USH2A: variants seen among roughly 807,000 people sequenced by gnomAD.
USH2A encodes the protein usherin.
In USH2A, 443 loss-of-function variants were observed where a neutral mutation model predicts 538.9. The ratio of observed to expected loss-of-function variants is 0.82; its 90% CI spans 0.76 to 0.89. USH2A has a LOEUF of 0.89. Among genes scored for constraint, USH2A ranks in the 40% least tolerant of loss-of-function variants. The probability of loss-of-function intolerance (pLI) is 0.00; values close to 1 mark genes in which losing one functional copy is unlikely to be tolerated. For synonymous variants in USH2A, 2,413 were observed against 2,273.5 expected (o/e 1.06, Z -1.75); for missense variants, 6,633 against 6,324.8 (o/e 1.05, Z -1.65).
At chr1:215,988,822 G>T (rs1217668327) in intron 35 of USH2A, among the ~76,000 whole-genome samples, 1 of 152,156 alleles carries the variant, frequency 6.6e-6, no homozygotes, top group Non-Finnish European at 1.5e-5. Flanking sequence ...AGTATGTACT[G>T]AACCAACTAG....
chr1:216,023,577 T>C (rs1306021495), intron 32 of USH2A, among the ~76,000 whole-genome samples: 1 of 149,908 alleles, frequency 6.7e-6, no homozygotes, highest in African/African-American at 2.4e-5. Flanking sequence ...ACAGTATACA[T>C]ACACACAAAC....
At chr1:216,329,571 A>C (rs771813057) in intron 4 of USH2A, among the ~76,000 whole-genome samples, 1 of 152,060 alleles carries the variant, frequency 6.6e-6, no homozygotes, top group Non-Finnish European at 1.5e-5. Flanking sequence ...AACTATCCCT[A>C]ACCATGCTCA....
At chr1:215,872,897 C>T (rs1482970046) in intron 43 of USH2A, among the ~76,000 whole-genome samples, 4 of 151,942 alleles carry the variant, frequency 2.6e-5, no homozygotes, top group African/African-American at 9.7e-5. Context: ...ATACCTGCTC[C>T]CTTTTCACCT....
chr1:216,341,719 A>T (rs1199036746), intron 4 of USH2A, among the ~76,000 whole-genome samples: 1 of 152,180 alleles, frequency 6.6e-6, no homozygotes, highest in Non-Finnish European at 1.5e-5. Context: ...GATCTTTGAC[A>T]AGCTGTACAA....
rs746265112 is a variant in USH2A at position 216,050,604 on chromosome 1, C to CT, written c.6050-1958dup. On this transcript the variant is annotated intron_variant, in intron 30 of 71. Coordinates refer to ENST00000307340, the MANE Select transcript of USH2A (RefSeq NM_206933.4). ...TCTTTCTTTCTTTCTTTCTTTCTTT[C>CT]TTTTTTTTTTTTTTTTTTGAGACAG... is the stretch of plus-strand genomic sequence containing the variant. Among the ~76,000 whole-genome samples, 330 of 68,598 alleles carry CT rather than the reference C, an allele frequency of 4.8e-3. 24 individuals carry two copies. Among genetic ancestry groups the CT allele is most frequent in the African/African-American group, 0.012 (220 of 18,818 alleles). 45.0% of individuals were successfully genotyped at this position (68,598 alleles called of 152,430 possible). A position where few individuals can be genotyped will look rare whatever the true frequency, so the allele number is the denominator to read the frequency against.
At chr1:216,238,074 T>C (rs1276978072) in intron 13 of USH2A, among the ~76,000 whole-genome samples, 1 of 152,216 alleles carries the variant, frequency 6.6e-6, no homozygotes, top group Non-Finnish European at 1.5e-5. Context: ...TACACAATTC[T>C]AGTTTATGAG....
At chr1:216,172,752 C>T (rs148592998) in intron 21 of USH2A, among the ~76,000 whole-genome samples, 1 of 152,258 alleles carries the variant, frequency 6.6e-6, no homozygotes, top group East Asian at 1.9e-4. Flanking sequence ...ACACTACTTG[C>T]TGTTTGTGAG....
intron 12 of USH2A, among the ~76,000 whole-genome samples, chr1:216,248,082 T>G (rs1248502212): frequency 1.3e-5 from 2 of 152,220 alleles, no homozygotes; most frequent in East Asian, 1.9e-4. Flanking sequence ...TCATTTTCAA[T>G]TAATATAAAT....
In USH2A at chr1:215,840,904, C is replaced by T. The variant is rs76628098; in HGVS notation, c.9259-2801G>A. ...CATGATTTCTATTTCATAATTTGGC[C>T]TATGGTCTACCTGCATACATGGACT... On this transcript the variant is annotated intron_variant, in intron 46 of 71. Coordinates refer to ENST00000307340, the MANE Select transcript of USH2A (RefSeq NM_206933.4). Among the ~76,000 whole-genome samples the T allele has an allele frequency of 1.5e-3, 227 of 152,132 alleles. 2 individuals are homozygous for T. Among genetic ancestry groups the T allele is most frequent in the African/African-American group, 5.3e-3 (219 of 41,496 alleles).
intron 4 of USH2A, among the ~76,000 whole-genome samples, chr1:216,364,365 A>T (rs2038552576): frequency 6.6e-6 from 1 of 152,208 alleles, no homozygotes; most frequent in South Asian, 2.1e-4. Context: ...ATTACTTAAA[A>T]ACTGATCAGA....
chr1:216,097,652 G>A (rs1259480132), intron 21 of USH2A, among the ~76,000 whole-genome samples: 2 of 152,182 alleles, frequency 1.3e-5, no homozygotes, highest in African/African-American at 4.8e-5. Flanking sequence ...ATATTGGAAA[G>A]ACCTGCCATG....
Position 216,178,609 on chromosome 1 carries a change from C to T in USH2A, c.4397-3127G>A, listed in dbSNP as rs574659549. Among the ~76,000 whole-genome samples, 4 of 152,104 alleles carry T rather than the reference C, an allele frequency of 2.6e-5. No homozygotes were observed. In the East Asian group the frequency reaches 7.8e-4, roughly 30 times the overall value. ...TTTAAATTGAAATTTGCTAGATTCC[C>T]TAGGGTTTTGGGACACAGAAACCTG... On this transcript the variant is annotated intron_variant, in intron 20 of 71. Transcript: ENST00000307340.
chr1:216,262,262 T>G (rs2036388598), intron 11 of USH2A, among the ~76,000 whole-genome samples: 1 of 151,666 alleles, frequency 6.6e-6, no homozygotes, highest in Admixed American at 6.6e-5. Context: ...GAGTTCAAAA[T>G]AATGATGTTA....
At chr1:215,732,059 T>C (rs1347795596) in intron 60 of USH2A, among the ~76,000 whole-genome samples, 1 of 152,204 alleles carries the variant, frequency 6.6e-6, no homozygotes, top group African/African-American at 2.4e-5. Context: ...TAAAATGTAA[T>C]GCATGATCTG....
chr1:215,724,085 TATCTATATCTATATC>T (rs1659740493), intron 61 of USH2A, among the ~76,000 whole-genome samples: 3 of 152,186 alleles, frequency 2.0e-5, no homozygotes, highest in East Asian at 1.9e-4. Context: ...TCTATATCTA[TATCTATATCTATATC>T]ATCTATATCT....
At chr1:216,322,754 GCAAA>G (rs2037643132) in intron 8 of USH2A, among the ~76,000 whole-genome samples, 1 of 151,676 alleles carries the variant, frequency 6.6e-6, no homozygotes, top group Non-Finnish European at 1.5e-5. Context: ...CTATGACTTA[GCAAA>G]CAAACAATGC....
intron 37 of USH2A, among the ~76,000 whole-genome samples, chr1:215,939,596 A>C (rs1666585401): frequency 6.6e-6 from 1 of 152,098 alleles, no homozygotes; most frequent in South Asian, 2.1e-4. Context: ...TAAGGAAAAA[A>C]CAGCATAAAT....
intron 32 of USH2A, among the ~76,000 whole-genome samples, chr1:216,000,776 CTT>C (rs1227590538): frequency 6.6e-6 from 1 of 152,116 alleles, no homozygotes; most frequent in Non-Finnish European, 1.5e-5. Flanking sequence ...CAATCAAACT[CTT>C]GTTTTGACTT....
At chr1:216,154,285 AT>A (rs2033897635) in intron 21 of USH2A, among the ~76,000 whole-genome samples, 3 of 152,304 alleles carry the variant, frequency 2.0e-5, no homozygotes, top group Admixed American at 6.5e-5. Flanking sequence ...AATGAAAGTC[AT>A]TTTCTTATTT....
Sources: allele counts gnomAD v4.1 joint callset (sites outside exome capture counted in the v4.1 genomes callset), GRCh38; gene constraint gnomAD v4.1.1; transcripts MANE v1.5; gene names NCBI Gene and HGNC (gene_info 2026-07-23, HGNC 2026-07-21).